Variants in TNIK observed in about 807,000 individuals in gnomAD.
TNIK encodes the protein TRAF2 and NCK-interacting protein kinase.
A neutral mutation model predicts 191.3 loss-of-function variants in TNIK; 49 were observed. The observed-to-expected ratio is 0.26, with a 90% CI of 0.20 to 0.32. TNIK has a LOEUF of 0.32. Among genes scored for constraint, TNIK ranks in the 10% least tolerant of loss-of-function variants. TNIK has a pLI of 1.00. For missense variants in TNIK, 1,155 were observed against 1,702.3 expected (o/e 0.68, Z 5.66); for synonymous variants, 594 against 600.9 (o/e 0.99, Z 0.17).
chr3:171,446,382 T>C lies in TNIK; in HGVS notation c.57+13625A>G, dbSNP rs535162851. ...TACAGGCAGCTTTAAAAAAAATACC[T>C]AGAGGTAGAAATGATGAAACCATAT... is the stretch of plus-strand genomic sequence containing the variant. On this transcript the variant is annotated intron_variant, in intron 1 of 32. Coordinates refer to ENST00000436636, the MANE Select transcript of TNIK (RefSeq NM_015028.4). 2.6e-5 allele frequency among the ~76,000 whole-genome samples: 4 copies of C among 152,268 alleles called. No individual in the cohort carries two copies. The South Asian group carries it at 8.3e-4, about 32-fold the overall frequency.
intron 4 of TNIK, among the ~76,000 whole-genome samples, chr3:171,204,171 C>A (rs922713301): frequency 6.6e-6 from 1 of 152,108 alleles, no homozygotes. Context: ...GCCTTGTTTC[C>A]GAGAGATCAG....
intron 2 of TNIK, among the ~76,000 whole-genome samples, chr3:171,300,086 T>C (rs1752719916): frequency 1.3e-5 from 2 of 152,208 alleles, no homozygotes; most frequent in Admixed American, 6.5e-5. Flanking sequence ...CTCACAAAGA[T>C]AAATGGAGTT....
rs3821746 is a variant in TNIK at position 171,063,823 on chromosome 3, G to A, written c.*58C>T. The A allele has an allele frequency of 2.0e-4, 311 of 1,563,774 alleles. 1 individual carries two copies. The East Asian group carries it at 6.5e-3, about 33-fold the overall frequency. ...TCTAGACTGGCATAAGTCCACATGA[G>A]TTATGTTCTTTTAAATTAGAAATAA... On this transcript the variant is annotated 3_prime_UTR_variant, in exon 33 of 33. Transcript: ENST00000436636.
chr3:171,314,700 CCACA>C (rs1285663898), intron 2 of TNIK, among the ~76,000 whole-genome samples: 1 of 151,676 alleles, frequency 6.6e-6, no homozygotes, highest in Non-Finnish European at 1.5e-5. Context: ...TAGGGAAAAC[CCACA>C]CAAACAATAA....
chr3:171,073,275 A>G (rs1719437551), intron 28 of TNIK, among the ~76,000 whole-genome samples: 1 of 152,174 alleles, frequency 6.6e-6, no homozygotes, highest in Non-Finnish European at 1.5e-5. Context: ...TCTTCAACAA[A>G]GTCAACAAAC....
chr3:171,432,344 T>C (rs1725489780), intron 1 of TNIK, among the ~76,000 whole-genome samples: 1 of 151,922 alleles, frequency 6.6e-6, no homozygotes. Flanking sequence ...CCAAACTAAG[T>C]AGGAAGAAAT....
At chr3:171,322,639 C>T (rs1755281396) in intron 2 of TNIK, among the ~76,000 whole-genome samples, 1 of 152,022 alleles carries the variant, frequency 6.6e-6, no homozygotes, top group South Asian at 2.1e-4. Flanking sequence ...ACCATATACG[C>T]ACATATGCAG....
intron 12 of TNIK, among the ~76,000 whole-genome samples, chr3:171,152,851 A>G (rs1429294341): frequency 1.3e-5 from 2 of 151,366 alleles, no homozygotes; most frequent in African/African-American, 4.9e-5. Context: ...GGCTCACTGC[A>G]AACTCCGCCT....
chr3:171,358,743 G>A (rs187248356), intron 2 of TNIK, among the ~76,000 whole-genome samples: 5 of 152,224 alleles, frequency 3.3e-5, no homozygotes, highest in East Asian at 1.9e-4. Flanking sequence ...GTTGTGGGGC[G>A]GTCAGTCACC....
intron 32 of TNIK, among the ~76,000 whole-genome samples, chr3:171,065,594 A>T: frequency 6.6e-6 from 1 of 152,198 alleles, no homozygotes; most frequent in Non-Finnish European, 1.5e-5. Context: ...TACCCCTCTG[A>T]GGTCACTGAT....
intron 2 of TNIK, among the ~76,000 whole-genome samples, chr3:171,256,120 AT>A (rs1746833890): frequency 6.6e-6 from 1 of 152,198 alleles, no homozygotes; most frequent in African/African-American, 2.4e-5. Flanking sequence ...TAAGTACCCA[AT>A]GGTCCTCTTC....
chr3:171,128,887 C>CAAAAACA lies in TNIK; in HGVS notation c.1609-10_1609-9insTGTTTTT. ...CTTGACCGTTCTTCTACCTACAACC[C>CAAAAACA]AAAAAAAAAAAAAAAAAAAAGACAG... is the stretch of plus-strand genomic sequence containing the variant. On this transcript the variant is annotated splice_polypyrimidine_tract_variant and intron_variant, in intron 15 of 32. Transcript: ENST00000436636. 1 of 1,242,452 alleles carries CAAAAACA rather than the reference C, an allele frequency of 8.0e-7. No individual in the cohort carries two copies. The highest frequency in any genetic ancestry group is 2.0e-5 in the African/African-American group (1 of 49,002). 77.0% of individuals were successfully genotyped at this position (1,242,452 alleles called of 1,614,324 possible).
Position 171,373,346 on chromosome 3 carries a change from TATA to T in TNIK, c.58-3664_58-3662del, listed in dbSNP as rs201750148. Among the ~76,000 whole-genome samples the T allele has an allele frequency of 3.1e-3, 470 of 152,234 alleles. 3 individuals are homozygous for T. The highest frequency in any genetic ancestry group is 0.011 in the African/African-American group (450 of 41,542). Reference sequence around the variant, plus strand: ...ACCTCTTAGTCTCTCTCACAGATTCTATAATATTTCTTCTGCTCACACCTTCTA... The same window carrying T: ...ACCTCTTAGTCTCTCTCACAGATTCTATATTTCTTCTGCTCACACCTTCTA... On this transcript the variant is annotated intron_variant, in intron 1 of 32. Coordinates refer to ENST00000436636, the MANE Select transcript of TNIK (RefSeq NM_015028.4).
At chr3:171,257,759 A>T (rs1181508296) in intron 2 of TNIK, among the ~76,000 whole-genome samples, 1 of 152,114 alleles carries the variant, frequency 6.6e-6, no homozygotes, top group Admixed American at 6.6e-5. Flanking sequence ...ACTAAGCCAC[A>T]CTTGATGTGA....
chr3:171,120,378 G>A (rs573529030), intron 18 of TNIK, among the ~76,000 whole-genome samples: 4 of 150,166 alleles, frequency 2.7e-5, no homozygotes, highest in Admixed American at 1.3e-4. Context: ...TGGAGTGCAG[G>A]GGTGTGATCT....
In TNIK at chr3:171,190,707, T is replaced by A; in HGVS notation, c.498A>T (p.Glu166Asp). ...GQNVLLTENAEVKLVDFGVSA... is the reference protein window; with the variant it reads ...GQNVLLTENADVKLVDFGVSA... ...GGATTCTGCTCTTACCTAGTTTAAC[T>A]TCTGCATTTTCAGTCAGCAAGACAT... The change falls in exon 6 of 33, where the codon GAA (glutamate) becomes GAT (aspartate). Residue 166 changes from glutamate to aspartate, a missense_variant. Glu to Asp is a conservative substitution (Grantham distance 45). Around this residue, in one of 3 missense-constraint regions of TNIK, gnomAD observed 225 missense variants for 438.9 expected, o/e 0.51. Transcript: ENST00000436636. 1 of 1,590,006 alleles carries A rather than the reference T, an allele frequency of 6.3e-7. No individual in the cohort carries two copies. The highest frequency in any genetic ancestry group is 8.6e-7 in the Non-Finnish European group (1 of 1,166,462).
chr3:171,401,294 A>G (rs1720923724), intron 1 of TNIK, among the ~76,000 whole-genome samples: 2 of 152,094 alleles, frequency 1.3e-5, no homozygotes, highest in Non-Finnish European at 2.9e-5. Context: ...TTTACAGCCA[A>G]CACAGGCTTG....
At chr3:171,181,491 C>G (rs1736639624) in intron 7 of TNIK, among the ~76,000 whole-genome samples, 1 of 152,176 alleles carries the variant, frequency 6.6e-6, no homozygotes, top group South Asian at 2.1e-4. Flanking sequence ...ATAGCAAAGC[C>G]ACACTTGCCT....
At chr3:171,459,584 G>C (rs1170903746) in intron 1 of TNIK, among the ~76,000 whole-genome samples, 12 of 151,960 alleles carry the variant, frequency 7.9e-5, no homozygotes, top group Admixed American at 7.2e-4. Context: ...GAAAACGTGA[G>C]GGGCCAGTGC....
Sources: gnomAD v4.1 joint callset for allele counts (sites outside exome capture counted in the v4.1 genomes callset) on GRCh38, gnomAD v4.1.1 for gene constraint, gnomAD v4.1.1 regional missense constraint, MANE v1.5 for transcripts, NCBI Gene and HGNC (gene_info 2026-07-23, HGNC 2026-07-21) for gene names.